The following ZNF394 variants were observed in gnomAD, a reference collection of about 807,000 sequenced individuals.
ZNF394 encodes the protein zinc finger protein 99.
ZNF394 carries 19 observed loss-of-function variants against 21.8 expected under a neutral mutation model. The observed-to-expected ratio is 0.87, with a 90% confidence interval of 0.61 to 1.28. ZNF394 has a LOEUF of 1.28. ZNF394 is among the 50% of genes most tolerant of loss of function. ZNF394 has a pLI of 0.00. For missense variants in ZNF394, 683 were observed against 708.6 expected (o/e 0.96, Z 0.41); for synonymous variants, 294 against 273.3 (o/e 1.08, Z -0.75).
intron 2 of ZNF394, among the ~76,000 whole-genome samples, chr7:99,496,230 G>A (rs1800304406): frequency 1.3e-5 from 2 of 151,954 alleles, no homozygotes; most frequent in African/African-American, 4.8e-5. Flanking sequence ...TGGCCAGGCT[G>A]GTCTCGAACT....
chr7:99,490,576 G>T (rs1320598524), downstream of ZNF394, among the ~76,000 whole-genome samples: 2 of 151,392 alleles, frequency 1.3e-5, no homozygotes, highest in Non-Finnish European at 2.9e-5. Context: ...GGCTGCAAGT[G>T]AGCCAAGATC....
exon 2 of ZNF394, chr7:99,486,877 C>G (rs766465059): frequency 6.2e-7 from 1 of 1,614,172 alleles, no homozygotes; most frequent in Non-Finnish European, 8.5e-7. Context: ...TCAAAGAATT[C>G]ACTTTTTAGA....
chr7:99,496,457 C>T (rs996165932), intron 2 of ZNF394, among the ~76,000 whole-genome samples: 14 of 152,122 alleles, frequency 9.2e-5, no homozygotes, highest in African/African-American at 3.4e-4. Context: ...CAGGAGGCAG[C>T]GGGGCCTGGC....
At chr7:99,492,094 A>G (rs947788199), downstream of ZNF394, among the ~76,000 whole-genome samples, 1 of 151,206 alleles carries the variant, frequency 6.6e-6, no homozygotes, top group African/African-American at 2.4e-5. Context: ...AAAAAAAAAA[A>G]GAAATCAGCA....
downstream of ZNF394, among the ~76,000 whole-genome samples, chr7:99,490,393 G>A (rs1461003512): frequency 1.3e-5 from 2 of 152,120 alleles, no homozygotes; most frequent in East Asian, 1.9e-4. Flanking sequence ...GCCTGACCTC[G>A]TGATCTGCCA....
downstream of ZNF394, among the ~76,000 whole-genome samples, chr7:99,491,633 G>A (rs116142858): frequency 0.013 from 1,955 of 151,644 alleles, 37 homozygotes; most frequent in African/African-American, 0.045. Context: ...AAAATCAGCC[G>A]GGTGTGGTGG....
At chr7:99,491,387 G>A (rs1356430959), downstream of ZNF394, among the ~76,000 whole-genome samples, 1 of 152,076 alleles carries the variant, frequency 6.6e-6, no homozygotes, top group Non-Finnish European at 1.5e-5. Context: ...ATCATATTTG[G>A]TCTTTGACAC....
intron 2 of ZNF394, among the ~76,000 whole-genome samples, chr7:99,497,537 G>A (rs1188735830): frequency 1.3e-5 from 2 of 151,554 alleles, no homozygotes; most frequent in African/African-American, 4.8e-5. Flanking sequence ...ATAAATTAGG[G>A]ACATTAAGAG....
At chr7:99,497,320 G>A (rs1252614187) in intron 2 of ZNF394, among the ~76,000 whole-genome samples, 2 of 150,424 alleles carry the variant, frequency 1.3e-5, no homozygotes, top group African/African-American at 2.5e-5. Flanking sequence ...GACTACAGGC[G>A]CCTGCCACCA....
In ZNF394 at chr7:99,500,076, G is replaced by C. The variant is rs756522300; in HGVS notation, c.18C>G (p.Thr6=). Residue 6 remains threonine, a synonymous_variant, in exon 1 of 3, where the codon ACC becomes ACG. Coordinates refer to ENST00000337673, the MANE Select transcript of ZNF394 (RefSeq NM_032164.4). The part of the protein sequence containing the change: MNSSL[T]AQRRGSDAEL... The stretch of plus-strand genomic sequence containing the variant: ...CGGCGTCACTGCCGCGCCTCTGGGC[G>C]GTCAAGCTGGAATTCATCTTTCTCC... The C allele has an allele frequency of 1.9e-6, 3 of 1,561,958 alleles. No individual in the cohort carries two copies. The highest frequency in any genetic ancestry group is 1.2e-5 in the South Asian group (1 of 85,596).
intron 2 of ZNF394, among the ~76,000 whole-genome samples, chr7:99,497,122 G>A (rs56345207): frequency 0.084 from 6,542 of 78,318 alleles, 359 homozygotes; most frequent in African/African-American, 0.14. Flanking sequence ...GTGTGTGTGT[G>A]TATATATATA....
rs761736969 is a variant in ZNF394, at chr7:99,493,538, T to A, written c.1677A>T (p.Ser559=). The A allele has an allele frequency of 6.2e-7, 1 of 1,601,888 alleles. No individual in the cohort carries two copies. The highest frequency in any genetic ancestry group is 1.1e-5 in the South Asian group (1 of 88,994). The change falls in exon 3 of 3, where the codon TCA becomes TCT. Residue 559 remains serine (S), a synonymous_variant. Transcript: ENST00000337673. ...NKVLSAGRGG[S]RL Reference sequence around the variant, plus strand: ...TCCCAAAGTGCTGGGATTATAGGCGTGAGCCACCACGCCCAGCCGACAGCA... The same window carrying A: ...TCCCAAAGTGCTGGGATTATAGGCGAGAGCCACCACGCCCAGCCGACAGCA...
In ZNF394 at chr7:99,493,930, G is replaced by A. The variant is rs1562892957; in HGVS notation, c.1285C>T (p.Leu429=). The A allele has an allele frequency of 6.2e-7, 1 of 1,614,230 alleles. No individual in the cohort carries two copies. The highest frequency in any genetic ancestry group is 1.7e-5 in the Admixed American group (1 of 60,024). The change falls in exon 3 of 3, where the codon CTA becomes TTA. Residue 429 remains leucine, a synonymous_variant. Transcript: ENST00000337673. The part of the protein sequence containing the change: ...CGERFRQNSH[L]NRHQSTHSRD... ...CTGTGGGTACTTTGATGACGATTTA[G>A]GTGTGAATTCTGCCTGAAGCGCTCC...
chr7:99,498,473 A>T, intron 2 of ZNF394: 1 of 402,686 alleles, frequency 2.5e-6, no homozygotes, highest in South Asian at 2.8e-5. Context: ...TGGGTGGTAG[A>T]CACAGGGGAT....
At chr7:99,486,836 T>A (rs1054948) in exon 2 of ZNF394, 3 of 1,614,018 alleles carry the variant, frequency 1.9e-6, no homozygotes, top group African/African-American at 2.7e-5. Flanking sequence ...TGTGGAAAAG[T>A]CATTAGGCGT....
chr7:99,487,161 G>GTT (rs1483289047), intron 1 of ZNF394: 1 of 1,614,168 alleles, frequency 6.2e-7, no homozygotes, highest in South Asian at 1.1e-5. Flanking sequence ...AATGCCTTGA[G>GTT]TGTGGAAAAG....
At position 99,494,102 on chromosome 7, in the gene ZNF394, A is replaced by T. The variant is rs749443143; in HGVS notation, c.1113T>A (p.Ser371=). ...GGATTCTCTGGTGTCTAAAGAGGTCAGAGCGTTGTTTGAAACTCTTCCCAC... is the reference window on the plus strand; with the variant it reads ...GGATTCTCTGGTGTCTAAAGAGGTCTGAGCGTTGTTTGAAACTCTTCCCAC... The part of the protein sequence containing the change: ...GNCGKSFKQR[S]DLFRHQRIHT... Residue 371 remains serine, a synonymous_variant, in exon 3 of 3, where the codon TCT becomes TCA. Transcript: ENST00000337673. The T allele has an allele frequency of 5.0e-6, 8 of 1,614,250 alleles. No individual in the cohort carries two copies. In the South Asian group the frequency reaches 7.7e-5, roughly 16 times the overall value.
chr7:99,494,729 T>A, intron 2 of ZNF394, 98 bp from the exon 3 acceptor site: 2 of 1,408,104 alleles, frequency 1.4e-6, no homozygotes, highest in South Asian at 1.7e-5. Flanking sequence ...CCCCTTTTAC[T>A]TTTTAATTAA....
chr7:99,491,798 G>A (rs1297649233), downstream of ZNF394, among the ~76,000 whole-genome samples: 7 of 137,264 alleles, frequency 5.1e-5, no homozygotes, highest in Non-Finnish European at 4.6e-5. Context: ...AAAAAAGCCA[G>A]GCACAGTGGC....
Sources: gnomAD v4.1 joint callset for allele counts (sites outside exome capture counted in the v4.1 genomes callset) on GRCh38, gnomAD v4.1.1 for gene constraint, MANE v1.5 for transcripts, NCBI Gene and HGNC (gene_info 2026-07-23, HGNC 2026-07-21) for gene names.